Variants in SEPTIN7 observed in about 807,000 individuals in gnomAD.
SEPTIN7 encodes septin-7.
A neutral mutation model predicts 63.3 loss-of-function variants in SEPTIN7; 10 were observed. That is an observed-to-expected ratio of 0.16 (90% confidence interval 0.10 to 0.27). The LOEUF (loss-of-function observed/expected upper bound fraction) is 0.27, where lower values mean the gene tolerates loss of function less well. SEPTIN7 is among the 10% of genes least tolerant of loss of function. SEPTIN7 has a pLI of 1.00. For missense variants in SEPTIN7, 310 were observed against 521.0 expected (o/e 0.59, Z 3.94); for synonymous variants, 131 against 165.3 (o/e 0.79, Z 1.59).
At chr7:35,873,123 A>G (rs1344033732) in intron 5 of SEPTIN7, among the ~76,000 whole-genome samples, 2 of 152,090 alleles carry the variant, frequency 1.3e-5, no homozygotes, top group Non-Finnish European at 2.9e-5. Flanking sequence ...TTTAAACCTG[A>G]TATTTAGACT....
intron 11 of SEPTIN7, among the ~76,000 whole-genome samples, chr7:35,893,099 A>T (rs1042072113): frequency 6.6e-6 from 1 of 152,090 alleles, no homozygotes; most frequent in Non-Finnish European, 1.5e-5. Flanking sequence ...GCTTTAGCTG[A>T]TGTAAGGTGC....
intron 3 of SEPTIN7, among the ~76,000 whole-genome samples, chr7:35,834,180 T>C (rs1783969964): frequency 6.6e-6 from 1 of 152,010 alleles, no homozygotes; most frequent in African/African-American, 2.4e-5. Context: ...GTAATATTAA[T>C]AATCTCAAGT....
In SEPTIN7 at chr7:35,902,895, G is replaced by A. The variant is rs912964310; in HGVS notation, c.1135-181G>A. 3.4e-4 allele frequency: 299 copies of A among 892,150 alleles called. 1 individual carries two copies. In the East Asian group the frequency reaches 9.9e-3, roughly 30 times the overall value. 55.3% of individuals were successfully genotyped at this position (892,150 alleles called of 1,614,324 possible). ...ATTGTCTTGGGTCACTGGCCTTTTG[G>A]GTGGCAGGTCCTAAAGGAGGAGGAG... is the stretch of plus-strand genomic sequence containing the variant. On this transcript the variant is annotated intron_variant, in intron 12 of 13. Coordinates refer to ENST00000350320, the MANE Select transcript of SEPTIN7 (RefSeq NM_001788.6).
chr7:35,912,318 T>G, the SEPTIN7 span, among the ~76,000 whole-genome samples: 2 of 152,048 alleles, frequency 1.3e-5, no homozygotes, highest in Non-Finnish European at 2.9e-5. Context: ...CCACAAACAA[T>G]AGCATGAGCG....
At chr7:35,831,574 G>A in intron 2 of SEPTIN7, 78 bp downstream of exon 2, 3 of 377,350 alleles carry the variant, frequency 8.0e-6, no homozygotes, top group East Asian at 9.7e-5. Flanking sequence ...GATGAAATAT[G>A]AGCCAAGGAA....
At chr7:35,847,409 A>T in intron 3 of SEPTIN7, 1 of 165,454 alleles carries the variant, frequency 6.0e-6, no homozygotes. Context: ...GCACAGGAAT[A>T]GTCAGTGGAG....
At chr7:35,858,090 G>A (rs1232675363) in intron 3 of SEPTIN7, among the ~76,000 whole-genome samples, 2 of 151,694 alleles carry the variant, frequency 1.3e-5, no homozygotes, top group South Asian at 4.2e-4. Context: ...TACCAGGCAT[G>A]TGCCACCGGG....
intron 1 of SEPTIN7, among the ~76,000 whole-genome samples, chr7:35,807,933 C>T (rs1788457369): frequency 6.6e-6 from 1 of 151,994 alleles, no homozygotes; most frequent in African/African-American, 2.4e-5. Context: ...AGTGATTCTC[C>T]TTCCTCAGCC....
chr7:35,817,136 A>G (rs1789120679), intron 1 of SEPTIN7, among the ~76,000 whole-genome samples: 1 of 152,016 alleles, frequency 6.6e-6, no homozygotes, highest in Non-Finnish European at 1.5e-5. Context: ...TTTCTAATCC[A>G]AGGTCATGAA....
intron 1 of SEPTIN7, among the ~76,000 whole-genome samples, chr7:35,821,285 G>C (rs1295515785): frequency 2.0e-5 from 3 of 152,180 alleles, no homozygotes; most frequent in Admixed American, 2.0e-4. Context: ...GATTTGAACA[G>C]TTTGTGTCAG....
intron 10 of SEPTIN7, among the ~76,000 whole-genome samples, chr7:35,886,360 AC>A (rs1787246288): frequency 6.6e-6 from 1 of 152,206 alleles, no homozygotes; most frequent in Non-Finnish European, 1.5e-5. Context: ...ATTGTGTCTT[AC>A]ACACCTGCTG....
intron 7 of SEPTIN7, among the ~76,000 whole-genome samples, chr7:35,880,405 A>G (rs1337459070): frequency 5.3e-5 from 8 of 151,102 alleles, no homozygotes; most frequent in African/African-American, 1.9e-4. Flanking sequence ...CAGCATTGTT[A>G]TTTTTATTTT....
At chr7:35,804,845 T>G (rs374963457) in intron 1 of SEPTIN7, among the ~76,000 whole-genome samples, 1 of 148,538 alleles carries the variant, frequency 6.7e-6, no homozygotes, top group South Asian at 2.1e-4. Context: ...GTTTTTTTTT[T>G]TTTTTTTTGA....
At chr7:35,908,876 T>C (rs1018123449), downstream of SEPTIN7, among the ~76,000 whole-genome samples, 6 of 152,242 alleles carry the variant, frequency 3.9e-5, no homozygotes, top group African/African-American at 7.2e-5. Context: ...ATACAACTTT[T>C]TTACCCCTCA....
chr7:35,898,754 A>G (rs1788113416), intron 12 of SEPTIN7: 1 of 158,572 alleles, frequency 6.3e-6, no homozygotes, highest in Admixed American at 6.4e-5. Context: ...AAACTGTGTT[A>G]GGATAATAAT....
intron 3 of SEPTIN7, among the ~76,000 whole-genome samples, chr7:35,844,999 G>A (rs1186070474): frequency 6.6e-6 from 1 of 152,136 alleles, no homozygotes; most frequent in Non-Finnish European, 1.5e-5. Flanking sequence ...CCAGGTAGGA[G>A]GATTGCTTGA....
At chr7:35,853,743 G>C (rs1785069116) in intron 3 of SEPTIN7, among the ~76,000 whole-genome samples, 1 of 152,170 alleles carries the variant, frequency 6.6e-6, no homozygotes, top group African/African-American at 2.4e-5. Flanking sequence ...TGTTAATGAA[G>C]ATACTGGTAA....
At chr7:35,869,676 A>T (rs2116197662) in intron 4 of SEPTIN7, among the ~76,000 whole-genome samples, 1 of 152,320 alleles carries the variant, frequency 6.6e-6, no homozygotes, top group Admixed American at 6.5e-5. Context: ...TCAGATGGTA[A>T]AACTGAAAAC....
At position 35,801,169 on chromosome 7, in the gene SEPTIN7, G is replaced by T. The variant is rs748453505; in HGVS notation, c.-41G>T. 26 of 1,460,370 alleles carry T rather than the reference G, an allele frequency of 1.8e-5. No individual in the cohort carries two copies. Among genetic ancestry groups the T allele is most frequent in the Non-Finnish European group, 2.0e-5 (22 of 1,100,876 alleles). The allele number at this position is 1,460,370 out of a possible 1,614,324, so 90.5% of individuals were successfully genotyped here. ...CGTAGGCGCCTTTGGAGAATCGGCG[G>T]GCTGCGCTCCGCTGGGGCTGGTCGC... On this transcript the variant is annotated 5_prime_UTR_variant, in exon 1 of 14. Transcript: ENST00000350320.
Sources: gnomAD v4.1 joint callset for allele counts (sites outside exome capture counted in the v4.1 genomes callset) on GRCh38, gnomAD v4.1.1 for gene constraint, MANE v1.5 for transcripts, NCBI Gene and HGNC (gene_info 2026-07-23, HGNC 2026-07-21) for gene names.